The following SPAG16 variants were observed in gnomAD, a reference collection of about 807,000 sequenced individuals.
The protein encoded by SPAG16 is sperm-associated antigen 16 protein.
In SPAG16, 86 loss-of-function variants were observed where a neutral mutation model predicts 80.4. That is an observed-to-expected ratio of 1.07 (90% confidence interval 0.90 to 1.28). SPAG16 has a LOEUF of 1.28. Among genes scored for constraint, SPAG16 ranks in the 50% most tolerant of loss-of-function variants. The pLI is 0.00. For synonymous variants in SPAG16, 294 were observed against 265.9 expected (o/e 1.11, Z -1.03); for missense variants, 870 against 765.3 (o/e 1.14, Z -1.61).
intron 11 of SPAG16, among the ~76,000 whole-genome samples, chr2:213,894,965 G>A (rs1265417079): frequency 1.6e-5 from 2 of 122,536 alleles, no homozygotes; most frequent in African/African-American, 6.3e-5. Context: ...CTCCAGCGTG[G>A]CAACAGAACA....
At chr2:213,981,676 G>T in intron 12 of SPAG16, among the ~76,000 whole-genome samples, 1 of 151,962 alleles carries the variant, frequency 6.6e-6, no homozygotes, top group Non-Finnish European at 1.5e-5. Context: ...TAGAGGGTCA[G>T]ATTGGTTTTA....
At chr2:213,662,401 T>C (rs1448393509) in intron 10 of SPAG16, among the ~76,000 whole-genome samples, 1 of 151,944 alleles carries the variant, frequency 6.6e-6, no homozygotes, top group Non-Finnish European at 1.5e-5. Flanking sequence ...CGAAAGGCAA[T>C]AGGGAAAGTT....
At chr2:213,409,198 A>G (rs2068827875) in intron 9 of SPAG16, among the ~76,000 whole-genome samples, 1 of 152,176 alleles carries the variant, frequency 6.6e-6, no homozygotes, top group Non-Finnish European at 1.5e-5. Context: ...GTTGTGGGAA[A>G]AAAAGGTTAT....
intron 10 of SPAG16, among the ~76,000 whole-genome samples, chr2:213,724,310 C>T (rs936578163): frequency 1.3e-5 from 2 of 152,092 alleles, no homozygotes; most frequent in Non-Finnish European, 2.9e-5. Flanking sequence ...AGGAGTAAAA[C>T]ACAAAGGTAT....
At chr2:214,318,506 C>T (rs566014656) in intron 15 of SPAG16, among the ~76,000 whole-genome samples, 67 of 151,484 alleles carry the variant, frequency 4.4e-4, no homozygotes, top group Non-Finnish European at 5.5e-4. Context: ...CTCAGCCTCC[C>T]GAGTAGCTAG....
intron 10 of SPAG16, among the ~76,000 whole-genome samples, chr2:213,676,344 T>G (rs530185626): frequency 0.02 from 2,972 of 151,996 alleles, 89 homozygotes; most frequent in African/African-American, 0.066. Context: ...ACAATTTGAC[T>G]TCCTCTTTTC....
At chr2:214,294,245 T>A (rs2125936769) in intron 15 of SPAG16, among the ~76,000 whole-genome samples, 1 of 152,334 alleles carries the variant, frequency 6.6e-6, no homozygotes. Flanking sequence ...GCTAAGATTG[T>A]GTAAGTCCAT....
intron 12 of SPAG16, among the ~76,000 whole-genome samples, chr2:213,939,589 C>A (rs1198563966): frequency 6.6e-6 from 1 of 152,132 alleles, no homozygotes; most frequent in Admixed American, 6.6e-5. Context: ...TTTGTTTTCA[C>A]TTGCATTAGG....
chr2:214,154,023 A>G (rs1422766880), intron 15 of SPAG16, among the ~76,000 whole-genome samples: 1 of 152,178 alleles, frequency 6.6e-6, no homozygotes, highest in Non-Finnish European at 1.5e-5. Flanking sequence ...CATTAAACAG[A>G]AAGCCTCCTG....
intron 12 of SPAG16, among the ~76,000 whole-genome samples, chr2:213,997,395 G>A (rs1383865313): frequency 6.6e-6 from 1 of 152,138 alleles, no homozygotes; most frequent in Non-Finnish European, 1.5e-5. Flanking sequence ...AACAGAAAGT[G>A]GGAGATAATG....
intron 3 of SPAG16, among the ~76,000 whole-genome samples, chr2:213,299,905 G>A (rs1238014061): frequency 6.6e-6 from 1 of 152,106 alleles, no homozygotes; most frequent in African/African-American, 2.4e-5. Context: ...GTGTCTGTGT[G>A]TCTGTATGTA....
At chr2:214,023,624 C>T (rs956189861) in intron 13 of SPAG16, among the ~76,000 whole-genome samples, 4 of 151,696 alleles carry the variant, frequency 2.6e-5, no homozygotes, top group Admixed American at 2.0e-4. Flanking sequence ...ATTTTTAATA[C>T]ACAGTAAAAA....
chr2:213,527,063 G>A (rs1353429538), intron 10 of SPAG16, among the ~76,000 whole-genome samples: 1 of 152,156 alleles, frequency 6.6e-6, no homozygotes, highest in Non-Finnish European at 1.5e-5. Flanking sequence ...CCTCTCAGCT[G>A]TGCCTGGTAT....
At chr2:213,978,906 A>AG (rs2045552838) in intron 12 of SPAG16, among the ~76,000 whole-genome samples, 1 of 152,106 alleles carries the variant, frequency 6.6e-6, no homozygotes, top group Non-Finnish European at 1.5e-5. Context: ...ACTTCCTATA[A>AG]GAAAAAAACG....
At chr2:213,836,462 T>C (rs976083783) in intron 10 of SPAG16, among the ~76,000 whole-genome samples, 1 of 152,170 alleles carries the variant, frequency 6.6e-6, no homozygotes, top group Non-Finnish European at 1.5e-5. Flanking sequence ...TGCATTTGCA[T>C]TGGTTGTTAT....
At position 214,002,703 on chromosome 2, in the gene SPAG16, G is replaced by C. The variant is rs962679845; in HGVS notation, c.1401-11248G>C. ...AAGTTCAAAGGCCTGAGAACCAGGA[G>C]CTCTGATATCCGACAGCAGGAGAAT... On this transcript the variant is annotated intron_variant, in intron 12 of 15. Transcript: ENST00000331683. Among the ~76,000 whole-genome samples, 4 of 152,148 alleles carry C rather than the reference G, an allele frequency of 2.6e-5. No individual in the cohort carries two copies. The East Asian group carries it at 7.7e-4, about 29-fold the overall frequency.
chr2:213,595,904 A>ACCAT (rs2124946679), intron 10 of SPAG16, among the ~76,000 whole-genome samples: 1 of 152,210 alleles, frequency 6.6e-6, no homozygotes, highest in Admixed American at 6.5e-5. Flanking sequence ...GTATATTAAA[A>ACCAT]TGTACTTTGA....
chr2:214,140,748 G>A (rs1179495466), intron 14 of SPAG16, among the ~76,000 whole-genome samples: 1 of 151,396 alleles, frequency 6.6e-6, no homozygotes, highest in Admixed American at 6.6e-5. Flanking sequence ...TATTCTACAA[G>A]CTTCTTAGGA....
chr2:213,325,334 C>T (rs566174779), intron 5 of SPAG16, among the ~76,000 whole-genome samples: 32 of 151,844 alleles, frequency 2.1e-4, no homozygotes, highest in Admixed American at 7.2e-4. Context: ...TCTTCTAAAA[C>T]GCTTAAAATA....
Sources: gnomAD v4.1 joint callset for allele counts (sites outside exome capture counted in the v4.1 genomes callset) on GRCh38, gnomAD v4.1.1 for gene constraint, MANE v1.5 for transcripts, NCBI Gene and HGNC (gene_info 2026-07-23, HGNC 2026-07-21) for gene names.